The following KANK1 variants were observed in gnomAD, a reference collection of about 807,000 sequenced individuals.
KANK1 encodes the protein KN motif and ankyrin repeat domains 1, also known as KN motif and ankyrin repeat domain-containing protein 1.
KANK1 carries 109 observed loss-of-function variants against 106.2 expected under a neutral mutation model. The observed-to-expected ratio is 1.03, with a 90% CI of 0.88 to 1.20. KANK1 has a LOEUF of 1.20. KANK1 is among the 50% of genes most tolerant of loss of function. The pLI is 0.00. For synonymous variants in KANK1, 873 were observed against 652.2 expected (o/e 1.34, Z -5.16); for missense variants, 2,399 against 1,710.7 (o/e 1.40, Z -7.10).
intron 1 of KANK1, among the ~76,000 whole-genome samples, chr9:558,577 C>T (rs966376262): frequency 7.2e-5 from 11 of 152,104 alleles, no homozygotes; most frequent in African/African-American, 2.7e-4. Context: ...CAATGCGTCT[C>T]TTCTTCCTAA....
chr9:627,632 T>C (rs1287149188), intron 1 of KANK1, among the ~76,000 whole-genome samples: 5 of 152,224 alleles, frequency 3.3e-5, no homozygotes, highest in Non-Finnish European at 5.9e-5. Context: ...TGGAGTCTTC[T>C]TCAGTCTGCT....
chr9:575,203 C>G (rs1470556367), intron 1 of KANK1, among the ~76,000 whole-genome samples: 1 of 152,230 alleles, frequency 6.6e-6, no homozygotes, highest in Non-Finnish European at 1.5e-5. Flanking sequence ...GTCCTTAAAA[C>G]TGCATAGTAA....
At position 577,501 on chromosome 9, in the gene KANK1, A is replaced by G. The variant is rs151289627; in HGVS notation, c.-84+72747A>G. The stretch of plus-strand genomic sequence containing the variant: ...CAGAGTGCTAATTGGTGTGTTTACA[A>G]TCCTTTAACTAGACAGAAAAGTTCT... On this transcript the variant is annotated intron_variant, in intron 1 of 11. Coordinates refer to ENST00000382297, the MANE Select transcript of KANK1 (RefSeq NM_015158.5). Among the ~76,000 whole-genome samples, 1,014 of 152,294 alleles carry G rather than the reference A, an allele frequency of 6.7e-3. 18 individuals carry two copies. The highest frequency in any genetic ancestry group is 0.023 in the African/African-American group (956 of 41,536).
Position 509,247 on chromosome 9 carries a change from G to A in KANK1, c.-84+4493G>A, listed in dbSNP as rs577625797. 3.9e-5 allele frequency among the ~76,000 whole-genome samples: 6 copies of A among 152,060 alleles called. No individual in the cohort carries two copies. In the South Asian group the frequency reaches 1.0e-3, roughly 26 times the overall value. ...CGATTAGCTGGAACTACAGGCACAC[G>A]CCACCACGCCCAGCTAATTTTTGTA... is the stretch of plus-strand genomic sequence containing the variant. On this transcript the variant is annotated intron_variant, in intron 1 of 11. Coordinates refer to ENST00000382297, the MANE Select transcript of KANK1 (RefSeq NM_015158.5).
At chr9:714,768 G>T (rs2131046275) in intron 3 of KANK1, among the ~76,000 whole-genome samples, 1 of 152,298 alleles carries the variant, frequency 6.6e-6, no homozygotes, top group Middle Eastern at 3.4e-3. Flanking sequence ...CACCCTGGAT[G>T]ATTTTATGGC....
At chr9:554,589 C>G (rs1026262511) in intron 1 of KANK1, among the ~76,000 whole-genome samples, 6 of 152,172 alleles carry the variant, frequency 3.9e-5, no homozygotes, top group African/African-American at 1.4e-4. Flanking sequence ...CTAAACAGAA[C>G]TAACATCACA....
intron 1 of KANK1, among the ~76,000 whole-genome samples, chr9:529,403 G>A (rs1039267348): frequency 1.3e-5 from 2 of 151,344 alleles, no homozygotes; most frequent in South Asian, 4.2e-4. Flanking sequence ...CTTTCACCAT[G>A]TTGGCCAGGA....
intron 3 of KANK1, among the ~76,000 whole-genome samples, chr9:725,819 A>C (rs1041023801): frequency 6.6e-6 from 1 of 152,188 alleles, no homozygotes; most frequent in Non-Finnish European, 1.5e-5. Flanking sequence ...TCAAAATACA[A>C]TCAACACTTA....
chr9:684,683 G>C (rs1028639748), intron 2 of KANK1: 1 of 637,042 alleles, frequency 1.6e-6, no homozygotes, highest in African/African-American at 2.0e-5. Context: ...CCTTTTCCAG[G>C]GTTTGCCTTC....
At chr9:480,730 A>C (rs1225832059) in intron 3 of KANK1, among the ~76,000 whole-genome samples, 1 of 152,192 alleles carries the variant, frequency 6.6e-6, no homozygotes, top group Non-Finnish European at 1.5e-5. Flanking sequence ...TAGGCAGGGG[A>C]GCCGTGTATT....
At chr9:730,300 G>T in intron 4 of KANK1, 52 bp downstream of exon 4, 1 of 1,529,598 alleles carries the variant, frequency 6.5e-7, no homozygotes, top group Non-Finnish European at 9.1e-7. Flanking sequence ...GGCCAGCATT[G>T]CCAGCATTCC....
chr9:643,379 A>G (rs896482083), intron 1 of KANK1, among the ~76,000 whole-genome samples: 2 of 150,736 alleles, frequency 1.3e-5, no homozygotes, highest in African/African-American at 5.0e-5. Context: ...TAACTCTTAA[A>G]TGTTTTTTTG....
chr9:581,186 C>T (rs538428148), intron 1 of KANK1, among the ~76,000 whole-genome samples: 15 of 152,292 alleles, frequency 9.8e-5, no homozygotes, highest in East Asian at 3.9e-4. Flanking sequence ...CAGAGGGAGC[C>T]GGCTCCGGCC....
intron 2 of KANK1, among the ~76,000 whole-genome samples, chr9:682,914 C>G (rs1057099769): frequency 1.3e-5 from 2 of 152,178 alleles, no homozygotes; most frequent in Non-Finnish European, 2.9e-5. Flanking sequence ...ACCCCACTCT[C>G]GCTTGTGTAA....
At chr9:541,963 C>G (rs1362906490) in intron 1 of KANK1, among the ~76,000 whole-genome samples, 1 of 151,100 alleles carries the variant, frequency 6.6e-6, no homozygotes, top group Non-Finnish European at 1.5e-5. Flanking sequence ...GTAGCGGGCC[C>G]CTGTAGTCCC....
At chr9:687,643 C>G (rs1046536647) in intron 2 of KANK1, among the ~76,000 whole-genome samples, 5 of 152,134 alleles carry the variant, frequency 3.3e-5, no homozygotes, top group Admixed American at 6.5e-5. Flanking sequence ...CTTTCTTGAC[C>G]TGGATATCTT....
intron 1 of KANK1, among the ~76,000 whole-genome samples, chr9:595,231 T>C (rs1051181781): frequency 2.0e-5 from 3 of 151,894 alleles, no homozygotes; most frequent in South Asian, 4.1e-4. Flanking sequence ...TGGGGCAACA[T>C]GGTGAGACCC....
At chr9:619,115 C>T (rs1198310083) in intron 1 of KANK1, among the ~76,000 whole-genome samples, 1 of 152,140 alleles carries the variant, frequency 6.6e-6, no homozygotes, top group Non-Finnish European at 1.5e-5. Context: ...AATGCTTACC[C>T]AGGTCAGTTA....
At chr9:630,259 A>G (rs1024138995) in intron 1 of KANK1, among the ~76,000 whole-genome samples, 1 of 147,924 alleles carries the variant, frequency 6.8e-6, no homozygotes, top group Admixed American at 6.7e-5. Flanking sequence ...AAAAAAAGAA[A>G]AAAAACGAGT....
Sources: allele counts gnomAD v4.1 joint callset (sites outside exome capture counted in the v4.1 genomes callset), GRCh38; gene constraint gnomAD v4.1.1; transcripts MANE v1.5; gene names NCBI Gene and HGNC (gene_info 2026-07-23, HGNC 2026-07-21).